PLPPR1: variants seen among roughly 807,000 people sequenced by gnomAD.
PLPPR1 encodes phospholipid phosphatase related 1.
Under a neutral mutation model 33.1 loss-of-function variants are expected in PLPPR1, and 10 were observed. The ratio of observed to expected loss-of-function variants is 0.30; its 90% confidence interval spans 0.19 to 0.51. The LOEUF (loss-of-function observed/expected upper bound fraction) is 0.51, where lower values mean the gene tolerates loss of function less well. Among genes scored for constraint, PLPPR1 ranks in the 20% least tolerant of loss-of-function variants. The pLI, the probability that PLPPR1 is intolerant of heterozygous loss-of-function variation, is 0.97. For synonymous variants in PLPPR1, 151 were observed against 151.0 expected, an observed-to-expected ratio of 1.00 and a Z score of 0.00; for missense variants, 304 against 408.1, an observed-to-expected ratio of 0.74 and a Z score of 2.20.
chr9:101,036,533 G>A (rs1311505593), intron 1 of PLPPR1, among the ~76,000 whole-genome samples: 2 of 151,960 alleles, frequency 1.3e-5, no homozygotes, highest in African/African-American at 2.4e-5. Context: ...ATATTTTTAA[G>A]TGTTTTGAAG....
intron 3 of PLPPR1, among the ~76,000 whole-genome samples, chr9:101,273,711 G>A (rs1276284963): frequency 6.6e-6 from 1 of 152,004 alleles, no homozygotes; most frequent in Non-Finnish European, 1.5e-5. Context: ...ATTTCTGAAT[G>A]GTAATGTTAG....
intron 1 of PLPPR1, among the ~76,000 whole-genome samples, chr9:101,145,521 C>A (rs367599): frequency 0.67 from 101,570 of 151,578 alleles, 34,797 homozygotes; most frequent in Non-Finnish European, 0.75. Context: ...AGCTGGGATT[C>A]CAAGCACCTG....
At position 101,222,940 on chromosome 9, in the gene PLPPR1, C is replaced by T. The variant is rs1431470; in HGVS notation, c.63+37383C>T. 8.6e-3 allele frequency among the ~76,000 whole-genome samples: 1,308 copies of T among 151,776 alleles called. 11 individuals carry two copies. Among genetic ancestry groups the T allele is most frequent in the Non-Finnish European group, 0.013 (893 of 67,940 alleles). ...ACTTTAAGTGTTTTGGTTGTCTATC[C>T]CAACTAGTGACAGTGAAAGAGGCTA... On this transcript the variant is annotated intron_variant, in intron 2 of 7. Coordinates refer to ENST00000374874, the MANE Select transcript of PLPPR1 (RefSeq NM_207299.2).
intron 7 of PLPPR1, among the ~76,000 whole-genome samples, chr9:101,323,501 G>C (rs1488065315): frequency 2.7e-5 from 4 of 145,930 alleles, no homozygotes; most frequent in Admixed American, 2.7e-4. Context: ...TTTGGGTGAA[G>C]AAGTTATCCT....
chr9:101,042,354 G>T (rs929462092), intron 1 of PLPPR1, among the ~76,000 whole-genome samples: 1 of 152,068 alleles, frequency 6.6e-6, no homozygotes, highest in Non-Finnish European at 1.5e-5. Context: ...GGATCCAAGG[G>T]GACAGTTGCT....
At chr9:101,287,724 C>T (rs965647790) in intron 4 of PLPPR1, among the ~76,000 whole-genome samples, 1 of 152,134 alleles carries the variant, frequency 6.6e-6, no homozygotes, top group African/African-American at 2.4e-5. Flanking sequence ...TGGTCTTGGA[C>T]TCCTGACCTC....
intron 1 of PLPPR1, among the ~76,000 whole-genome samples, chr9:101,095,297 G>A (rs1830803526): frequency 6.6e-6 from 1 of 152,270 alleles, no homozygotes; most frequent in East Asian, 1.9e-4. Context: ...CTTCTGCTGA[G>A]GAGTTTTCTG....
At chr9:101,270,153 C>T (rs1392513232) in intron 3 of PLPPR1, 85 bp downstream of exon 3, 6 of 1,415,176 alleles carry the variant, frequency 4.2e-6, no homozygotes, top group Non-Finnish European at 4.9e-6. Flanking sequence ...TCTTCTCTTC[C>T]TGAGCATTCA....
intron 2 of PLPPR1, among the ~76,000 whole-genome samples, chr9:101,239,685 T>C (rs550822308): frequency 1.3e-5 from 2 of 152,162 alleles, no homozygotes; most frequent in Admixed American, 1.3e-4. Flanking sequence ...CATTTTTTCA[T>C]GTACCTCTTG....
chr9:101,043,651 T>TAATA (rs1830110562), intron 1 of PLPPR1, among the ~76,000 whole-genome samples: 1 of 152,118 alleles, frequency 6.6e-6, no homozygotes, highest in South Asian at 2.1e-4. Context: ...TTCCTCTGGG[T>TAATA]AGATACCCAG....
chr9:101,063,113 A>G (rs139526967), intron 1 of PLPPR1, among the ~76,000 whole-genome samples: 101 of 152,266 alleles, frequency 6.6e-4, no homozygotes, highest in African/African-American at 2.4e-3. Context: ...TTTCTAAAAC[A>G]TATAAAGTGT....
intron 2 of PLPPR1, among the ~76,000 whole-genome samples, chr9:101,188,292 T>A (rs946695603): frequency 1.3e-4 from 20 of 152,138 alleles, no homozygotes; most frequent in Admixed American, 9.2e-4. Context: ...AGGGGATAAT[T>A]ACATTTGCCA....
At chr9:101,188,882 C>T (rs1353791756) in intron 2 of PLPPR1, among the ~76,000 whole-genome samples, 6 of 151,906 alleles carry the variant, frequency 3.9e-5, no homozygotes, top group Non-Finnish European at 8.8e-5. Flanking sequence ...TTATATTTTC[C>T]TTAAAATTTT....
Position 101,232,969 on chromosome 9 carries a change from A to G in PLPPR1, c.64-36911A>G, listed in dbSNP as rs1350232441. Reference sequence around the variant, plus strand: ...TATGTGTCTGATCCTACACTGAACAACTTTCTTACCTGATCCAATCACCGA... The same window carrying G: ...TATGTGTCTGATCCTACACTGAACAGCTTTCTTACCTGATCCAATCACCGA... On this transcript the variant is annotated intron_variant, in intron 2 of 7. Transcript: ENST00000374874. Among the ~76,000 whole-genome samples, 3 of 152,140 alleles carry G rather than the reference A, an allele frequency of 2.0e-5. No homozygotes were observed. The East Asian group carries it at 5.8e-4, about 30-fold the overall frequency.
chr9:101,100,012 G>GA (rs1047586083), intron 1 of PLPPR1, among the ~76,000 whole-genome samples: 4 of 151,886 alleles, frequency 2.6e-5, no homozygotes, highest in Admixed American at 2.0e-4. Flanking sequence ...ATAGATTTGG[G>GA]AAAAAAATGT....
intron 1 of PLPPR1, among the ~76,000 whole-genome samples, chr9:101,121,116 A>T (rs7858697): frequency 0.94 from 143,491 of 152,286 alleles, 67,715 homozygotes; most frequent in African/African-American, 0.98. Context: ...GACACATAAT[A>T]ATTACAGGCT....
At chr9:101,093,618 TACTTTA>T (rs999929114) in intron 1 of PLPPR1, among the ~76,000 whole-genome samples, 15 of 152,374 alleles carry the variant, frequency 9.8e-5, no homozygotes, top group African/African-American at 3.6e-4. Flanking sequence ...TATGTTCTTC[TACTTTA>T]ACTTTAAAAT....
intron 2 of PLPPR1, among the ~76,000 whole-genome samples, chr9:101,245,317 G>A (rs1006528015): frequency 6.6e-6 from 1 of 151,954 alleles, no homozygotes; most frequent in African/African-American, 2.4e-5. Flanking sequence ...GATAAGTATT[G>A]CAATATAACG....
chr9:101,160,207 G>A lies in PLPPR1; in HGVS notation c.-45-25243G>A, dbSNP rs77965225. On this transcript the variant is annotated intron_variant, in intron 1 of 7. Coordinates refer to ENST00000374874, the MANE Select transcript of PLPPR1 (RefSeq NM_207299.2). Reference sequence around the variant, plus strand: ...TGACCTTCCTCCAACTAGAAAAGTGGGGTTGTGTCTGAGGACTTGGTTGGA... The same window carrying A: ...TGACCTTCCTCCAACTAGAAAAGTGAGGTTGTGTCTGAGGACTTGGTTGGA... Among the ~76,000 whole-genome samples, 1,512 of 152,250 alleles carry A rather than the reference G, an allele frequency of 9.9e-3. 23 individuals are homozygous for A. Among genetic ancestry groups the A allele is most frequent in the African/African-American group, 0.034 (1,423 of 41,548 alleles).
Sources: allele counts gnomAD v4.1 joint callset (sites outside exome capture counted in the v4.1 genomes callset), GRCh38; gene constraint gnomAD v4.1.1; transcripts MANE v1.5; gene names NCBI Gene and HGNC (gene_info 2026-07-23, HGNC 2026-07-21).